The following PCDHGC4 variants were observed in gnomAD, a reference collection of about 807,000 sequenced individuals.
PCDHGC4 encodes protocadherin gamma subfamily C, 4.
Under a neutral mutation model 59.7 loss-of-function variants are expected in PCDHGC4, and 15 were observed. That is an observed-to-expected ratio of 0.25 (90% confidence interval 0.17 to 0.39). The LOEUF (loss-of-function observed/expected upper bound fraction) is 0.39, where lower values mean the gene tolerates loss of function less well. PCDHGC4 is among the 10% of genes least tolerant of loss of function. PCDHGC4 has a pLI of 1.00. For missense variants in PCDHGC4, 1,016 were observed against 1,189.5 expected (o/e 0.85, Z 2.15); for synonymous variants, 434 against 481.4 (o/e 0.90, Z 1.29).
chr5:141,491,409 G>C lies in PCDHGC4; in HGVS notation c.2443-3398G>C, dbSNP rs2099711927. 6.2e-7 allele frequency: 1 copy of C among 1,614,000 alleles called. No homozygotes were observed. Among genetic ancestry groups the C allele is most frequent in the Non-Finnish European group, 8.5e-7 (1 of 1,180,022 alleles). The stretch of plus-strand genomic sequence containing the variant: ...AGTGCCTTCAGGGAAACGCAGACGG[G>C]GACGGGGGTGGAGGGCAGTGCTGCA... On this transcript the variant is annotated intron_variant, in intron 1 of 3. Coordinates refer to ENST00000306593, the MANE Select transcript of PCDHGC4 (RefSeq NM_018928.3). This position sits in a 1 kb window ranked among gnomAD's most constrained non-coding sequence, Gnocchi z 6.9.
At chr5:141,502,864 G>GTTTTTTTT in intron 2 of PCDHGC4, among the ~76,000 whole-genome samples, 3 of 61,566 alleles carry the variant, frequency 4.9e-5, no homozygotes, top group African/African-American at 2.4e-4. Context: ...CTGACTCTCT[G>GTTTTTTTT]TCTTTTTTTT....
rs2099612736 is a variant in PCDHGC4 at position 141,485,393 on chromosome 5, C to T, written c.220C>T (p.His74Tyr). The T allele has an allele frequency of 6.2e-7, 1 of 1,614,154 alleles. No homozygotes were observed. The highest frequency in any genetic ancestry group is 1.7e-5 in the Admixed American group (1 of 60,020). ...GGTCGCTGGAGAGGTGAACCAAAGA[C>T]ACTTCCGTGTGGATTTGGACAGCGG... ...LQVAGEVNQR[H>Y]FRVDLDSGAL... Residue 74 changes from histidine to tyrosine, a missense_variant, in exon 1 of 4, where the codon CAC becomes TAC. By Grantham distance (83) the His-to-Tyr change is moderately conservative. Coordinates refer to ENST00000306593, the MANE Select transcript of PCDHGC4 (RefSeq NM_018928.3). The surrounding 1 kb of genome is among the most constrained non-coding windows in gnomAD (Gnocchi z 5.7).
intron 2 of PCDHGC4, among the ~76,000 whole-genome samples, chr5:141,499,796 C>T (rs2099794539): frequency 6.6e-6 from 1 of 150,412 alleles, no homozygotes; most frequent in South Asian, 2.1e-4. Context: ...AAGCAATTCT[C>T]ATGCTTCAGC....
chr5:141,506,253 G>A (rs1332023284), intron 3 of PCDHGC4, among the ~76,000 whole-genome samples: 2 of 151,862 alleles, frequency 1.3e-5, no homozygotes, highest in Non-Finnish European at 2.9e-5. Flanking sequence ...GTTCGAAACC[G>A]GCCTGGCCAA....
rs1417754081 is a variant in PCDHGC4, at chr5:141,512,046, T to C, written c.*873T>C. 1 of 152,746 alleles carries C rather than the reference T, an allele frequency of 6.5e-6. No individual in the cohort carries two copies. Among genetic ancestry groups the C allele is most frequent in the East Asian group, 1.9e-4 (1 of 5,190 alleles). 9.5% of individuals were successfully genotyped at this position (152,746 alleles called of 1,614,324 possible). Reference sequence around the variant, plus strand: ...GCCTTGGAGGAGGCTCTGTATGTCCTCAGGGGACTGACAACATCCTCCAGA... The same window carrying C: ...GCCTTGGAGGAGGCTCTGTATGTCCCCAGGGGACTGACAACATCCTCCAGA... On this transcript the variant is annotated 3_prime_UTR_variant, in exon 4 of 4. Transcript: ENST00000306593.
Position 141,491,652 on chromosome 5 carries a change from G to T in PCDHGC4, c.2443-3155G>T. ...AGCAGCCCACAGCTCTGGCGCTGGA[G>T]CCTGACGCCATCCGGTCCCGCTCTA... On this transcript the variant is annotated intron_variant, in intron 1 of 3. Transcript: ENST00000306593. The surrounding 1 kb of genome is among the most constrained non-coding windows in gnomAD (Gnocchi z 6.9). The T allele has an allele frequency of 6.2e-7, 1 of 1,613,844 alleles. No homozygotes were observed.
intron 2 of PCDHGC4, among the ~76,000 whole-genome samples, chr5:141,496,121 C>A (rs1391009290): frequency 6.6e-6 from 1 of 152,088 alleles, no homozygotes; most frequent in Non-Finnish European, 1.5e-5. Flanking sequence ...TCCTTCCCTG[C>A]CCCTCACACA....
chr5:141,491,293 C>T lies in PCDHGC4; in HGVS notation c.2443-3514C>T. On this transcript the variant is annotated intron_variant, in intron 1 of 3. Transcript: ENST00000306593. This position sits in a 1 kb window ranked among gnomAD's most constrained non-coding sequence, Gnocchi z 6.9. Reference sequence around the variant, plus strand: ...ATCCAGTGACTTCCTCATACACCCTCCTGAGCGTTCAGACCTTACCCTTTA... The same window carrying T: ...ATCCAGTGACTTCCTCATACACCCTTCTGAGCGTTCAGACCTTACCCTTTA... 6.2e-7 allele frequency: 1 copy of T among 1,614,166 alleles called. No homozygotes were observed. The highest frequency in any genetic ancestry group is 1.3e-5 in the African/African-American group (1 of 75,058).
chr5:141,497,084 G>A (rs1417389801), intron 2 of PCDHGC4, among the ~76,000 whole-genome samples: 1 of 152,098 alleles, frequency 6.6e-6, no homozygotes, highest in East Asian at 1.9e-4. Context: ...AGCGACTTAG[G>A]AGGCTGAGGC....
intron 3 of PCDHGC4, chr5:141,506,958 A>C (rs529190059): frequency 1.6e-3 from 239 of 152,280 alleles, no homozygotes; most frequent in African/African-American, 5.5e-3. Flanking sequence ...GAATCCTCTC[A>C]ATAGCTCTGC....
chr5:141,509,691 AC>A (rs1471858383), intron 3 of PCDHGC4, among the ~76,000 whole-genome samples: 5 of 152,064 alleles, frequency 3.3e-5, no homozygotes, highest in African/African-American at 1.2e-4. Flanking sequence ...GTACAGTGGG[AC>A]GTTGGACTGG....
chr5:141,503,392 C>T lies in PCDHGC4; in HGVS notation c.2502-2001C>T, dbSNP rs554732406. 1.2e-4 allele frequency among the ~76,000 whole-genome samples: 18 copies of T among 151,870 alleles called. No individual in the cohort carries two copies. The South Asian group carries it at 3.5e-3, about 30-fold the overall frequency. On this transcript the variant is annotated intron_variant, in intron 2 of 3. Transcript: ENST00000306593. ...CAGGTGGATCATGAGGTCAGGAGTT[C>T]GAAACCAACCTGGCCAATATGGTGA...
At chr5:141,503,023 A>AAT (rs2099817696) in intron 2 of PCDHGC4, among the ~76,000 whole-genome samples, 1 of 141,888 alleles carries the variant, frequency 7.0e-6, no homozygotes, top group African/African-American at 2.6e-5. Context: ...TTTTTTTTTT[A>AAT]ATATCTATTT....
At chr5:141,500,991 C>T (rs2099804636) in intron 2 of PCDHGC4, among the ~76,000 whole-genome samples, 1 of 152,024 alleles carries the variant, frequency 6.6e-6, no homozygotes, top group South Asian at 2.1e-4. Flanking sequence ...GCCTCAGCCT[C>T]CTGAGTAGCT....
intron 2 of PCDHGC4, among the ~76,000 whole-genome samples, chr5:141,503,568 C>T (rs1357099545): frequency 6.9e-6 from 1 of 144,390 alleles, no homozygotes; most frequent in Non-Finnish European, 1.5e-5. Context: ...CACTGTACTC[C>T]AGCCTGGGTG....
At chr5:141,492,576 G>A (rs2099742137) in intron 1 of PCDHGC4, among the ~76,000 whole-genome samples, 1 of 152,234 alleles carries the variant, frequency 6.6e-6, no homozygotes, top group Admixed American at 6.5e-5. Context: ...AGCGAGGCGC[G>A]GGGCCAGGAG....
intron 1 of PCDHGC4, chr5:141,492,069 C>A (rs1595083522): frequency 2.1e-6 from 1 of 475,880 alleles, no homozygotes; most frequent in East Asian, 3.3e-5. Context: ...GCCTCCTAGG[C>A]GCCGGCTCCG....
intron 2 of PCDHGC4, among the ~76,000 whole-genome samples, chr5:141,502,107 C>T (rs1292131951): frequency 6.6e-6 from 1 of 152,192 alleles, no homozygotes; most frequent in East Asian, 1.9e-4. Context: ...TGACCCTGCA[C>T]CCTCAGCCAG....
chr5:141,499,322 T>C (rs1186220818), intron 2 of PCDHGC4, among the ~76,000 whole-genome samples: 1 of 152,218 alleles, frequency 6.6e-6, no homozygotes, highest in Non-Finnish European at 1.5e-5. Context: ...ACAGTATCCC[T>C]GCTCTCTCTC....
Sources: gnomAD v4.1 joint callset for allele counts (sites outside exome capture counted in the v4.1 genomes callset) on GRCh38, gnomAD v4.1.1 for gene constraint, Gnocchi (gnomAD v3.1) non-coding constraint, MANE v1.5 for transcripts, NCBI Gene and HGNC (gene_info 2026-07-23, HGNC 2026-07-21) for gene names.